Variants in STX17 observed in about 807,000 individuals in gnomAD.
STX17 encodes syntaxin-17.
STX17 carries 29 observed loss-of-function variants against 35.9 expected under a neutral mutation model. The observed-to-expected ratio is 0.81, with a 90% CI of 0.60 to 1.10. The LOEUF (loss-of-function observed/expected upper bound fraction) is 1.10. Among genes scored for constraint, STX17 ranks in the 50% least tolerant of loss-of-function variants. STX17 has a pLI of 0.00. For missense variants in STX17, 312 were observed against 352.3 expected (o/e 0.89, Z 0.92); for synonymous variants, 92 against 118.3 (o/e 0.78, Z 1.44).
rs1473271435 is a variant in STX17 at position 99,971,322 on chromosome 9, C to A, written c.*2649C>A. On this transcript the variant is annotated 3_prime_UTR_variant, in exon 8 of 8. Coordinates refer to ENST00000259400, the MANE Select transcript of STX17 (RefSeq NM_017919.3). ...TTTTTTTAACATAATCTGAGAATTT[C>A]TCTGTAGAGCAGAGACTTTCAAACC... Among the ~76,000 whole-genome samples the A allele has an allele frequency of 1.3e-5, 2 of 148,952 alleles. No homozygotes were observed. Among genetic ancestry groups the A allele is most frequent in the Non-Finnish European group, 3.0e-5 (2 of 67,374 alleles).
At chr9:99,958,640 T>C (rs527546146) in intron 4 of STX17, among the ~76,000 whole-genome samples, 1 of 152,362 alleles carries the variant, frequency 6.6e-6, no homozygotes, top group South Asian at 2.1e-4. Context: ...CCCAGGCTCC[T>C]AACCACTACA....
Position 99,967,659 on chromosome 9 carries a change from CAGG to C in STX17, c.592_594del (p.Glu198del), listed in dbSNP as rs767583825. 12 of 1,613,658 alleles carry C rather than the reference CAGG, an allele frequency of 7.4e-6. No homozygotes were observed. Among genetic ancestry groups the C allele is most frequent in the Non-Finnish European group, 1.0e-5 (12 of 1,179,766 alleles). ...ATAATTCCTTTGCATCTAGTCTCAGCAGGAGAAGATTGACAGCATTGCAGACCA... is the reference window on the plus strand; with the variant it reads ...ATAATTCCTTTGCATCTAGTCTCAGCAGAAGATTGACAGCATTGCAGACCA... On this transcript the variant is annotated inframe_deletion, in exon 7 of 8. Transcript: ENST00000259400.
intron 2 of STX17, among the ~76,000 whole-genome samples, chr9:99,916,961 C>G (rs1828789147): frequency 6.6e-6 from 1 of 152,148 alleles, no homozygotes; most frequent in Non-Finnish European, 1.5e-5. Context: ...ACCACCCAAT[C>G]AGTCATCAAT....
chr9:99,972,433 C>T lies in STX17; in HGVS notation c.*3760C>T, dbSNP rs1204286930. Reference sequence around the variant, plus strand: ...TTTGAAACTGTTCTTTCAGAATTGCCTCCAAAGACATTTTGCAGATCATCC... The same window carrying T: ...TTTGAAACTGTTCTTTCAGAATTGCTTCCAAAGACATTTTGCAGATCATCC... On this transcript the variant is annotated 3_prime_UTR_variant, in exon 8 of 8. Coordinates refer to ENST00000259400, the MANE Select transcript of STX17 (RefSeq NM_017919.3). 1.3e-5 allele frequency among the ~76,000 whole-genome samples: 2 copies of T among 152,102 alleles called. No individual in the cohort carries two copies. The highest frequency in any genetic ancestry group is 4.8e-5 in the African/African-American group (2 of 41,412).
At position 99,968,917 on chromosome 9, in the gene STX17, C is replaced by A; in HGVS notation, c.*244C>A. 1 of 377,488 alleles carries A rather than the reference C, an allele frequency of 2.6e-6. No homozygotes were observed. The highest frequency in any genetic ancestry group is 4.6e-6 in the Non-Finnish European group (1 of 219,594). The allele number at this position is 377,488 out of a possible 1,614,324, so 23.4% of individuals were successfully genotyped here. On this transcript the variant is annotated 3_prime_UTR_variant, in exon 8 of 8. Transcript: ENST00000259400. The stretch of plus-strand genomic sequence containing the variant: ...ATGTCAGGTAAAGTTTGAAGACTGC[C>A]AAGGAGCAGATTTTCTCCCTGGAAA...
At chr9:99,945,772 A>C in intron 3 of STX17, 1 of 395,164 alleles carries the variant, frequency 2.5e-6, no homozygotes, top group South Asian at 1.9e-5. Flanking sequence ...GTGGAACAAA[A>C]ATTTTTTTTT....
intron 6 of STX17, 187 bp from the exon 7 acceptor site, chr9:99,967,466 C>A: frequency 5.4e-6 from 2 of 367,524 alleles, no homozygotes; most frequent in African/African-American, 2.1e-5. Flanking sequence ...TAATTAAGAC[C>A]CCCCCCTTTT....
chr9:99,914,838 T>G (rs544011203), intron 1 of STX17, among the ~76,000 whole-genome samples: 1 of 152,310 alleles, frequency 6.6e-6, no homozygotes, highest in East Asian at 1.9e-4. Context: ...AAAGTATTTA[T>G]ATACATACAT....
chr9:99,954,908 T>G (rs1456240575), intron 4 of STX17, among the ~76,000 whole-genome samples: 1 of 152,130 alleles, frequency 6.6e-6, no homozygotes, highest in African/African-American at 2.4e-5. Context: ...GGAGAAGCTG[T>G]GATGATTTTG....
chr9:99,960,092 C>A lies in STX17; in HGVS notation c.532-13C>A. On this transcript the variant is annotated splice_polypyrimidine_tract_variant and intron_variant, in intron 5 of 7. Coordinates refer to ENST00000259400, the MANE Select transcript of STX17 (RefSeq NM_017919.3). The stretch of plus-strand genomic sequence containing the variant: ...GAGGCATAAAAGTAACTTCCTCTCC[C>A]TTTCTTTTAAAGGACTTAATTGAAC... 6.2e-7 allele frequency: 1 copy of A among 1,613,994 alleles called. No individual in the cohort carries two copies. The highest frequency in any genetic ancestry group is 1.1e-5 in the South Asian group (1 of 91,062).
intron 6 of STX17, among the ~76,000 whole-genome samples, chr9:99,963,757 A>AG (rs1297323491): frequency 6.6e-6 from 1 of 152,196 alleles, no homozygotes; most frequent in Non-Finnish European, 1.5e-5. Flanking sequence ...TGTTAGCAAC[A>AG]TCCTACTTAT....
At chr9:99,955,159 A>C (rs945283239) in intron 4 of STX17, among the ~76,000 whole-genome samples, 22 of 152,250 alleles carry the variant, frequency 1.4e-4, no homozygotes, top group African/African-American at 5.1e-4. Context: ...CAGGACACAC[A>C]CTTCAGTAAC....
At chr9:99,944,905 A>T (rs1471815529) in intron 3 of STX17, among the ~76,000 whole-genome samples, 1 of 152,172 alleles carries the variant, frequency 6.6e-6, no homozygotes, top group African/African-American at 2.4e-5. Flanking sequence ...ATGTTTATAG[A>T]TATATTTTAT....
chr9:99,921,376 T>C (rs570440310), intron 2 of STX17, among the ~76,000 whole-genome samples: 1 of 152,286 alleles, frequency 6.6e-6, no homozygotes, highest in Admixed American at 6.5e-5. Flanking sequence ...TTTCTTATAC[T>C]GGTGCAATTG....
intron 2 of STX17, among the ~76,000 whole-genome samples, chr9:99,925,471 G>A (rs1373170039): frequency 2.0e-5 from 3 of 151,912 alleles, no homozygotes; most frequent in Admixed American, 6.6e-5. Flanking sequence ...TGTAGAATCC[G>A]GTTTCTGTCA....
intron 7 of STX17, 42 bp downstream of exon 7, chr9:99,967,781 T>C (rs1480975671): frequency 6.4e-7 from 1 of 1,562,232 alleles, no homozygotes. Flanking sequence ...GTACTCTGGC[T>C]CCCAGGAATC....
chr9:99,942,898 A>G (rs1393470629), intron 3 of STX17, among the ~76,000 whole-genome samples: 1 of 152,108 alleles, frequency 6.6e-6, no homozygotes, highest in Non-Finnish European at 1.5e-5. Flanking sequence ...CTTTTCTTGC[A>G]CTAATGCCAT....
At chr9:99,960,059 G>A (rs1486866750) in intron 5 of STX17, 27 bp downstream of exon 5, 4 of 1,613,748 alleles carry the variant, frequency 2.5e-6, no homozygotes, top group South Asian at 2.2e-5. Flanking sequence ...TTTCTTTTTG[G>A]TAGTTGTGAG....
At chr9:99,906,958 C>T (rs1828561537) in intron 1 of STX17, 1 of 152,250 alleles carries the variant, frequency 6.6e-6, no homozygotes, top group Non-Finnish European at 1.5e-5. Flanking sequence ...CTCCCGGGGT[C>T]GCGGGGTGGA....
Sources: allele counts gnomAD v4.1 joint callset (sites outside exome capture counted in the v4.1 genomes callset), GRCh38; gene constraint gnomAD v4.1.1; transcripts MANE v1.5; gene names NCBI Gene and HGNC (gene_info 2026-07-23, HGNC 2026-07-21).